The following SLC9A9 variants were observed in gnomAD, a reference collection of about 807,000 sequenced individuals.
SLC9A9 encodes sodium/hydrogen exchanger 9.
A neutral mutation model predicts 77.8 loss-of-function variants in SLC9A9; 62 were observed. The observed-to-expected ratio is 0.80, with a 90% CI of 0.65 to 0.98. The LOEUF is 0.98. SLC9A9 is among the 50% of genes least tolerant of loss of function. The probability of loss-of-function intolerance (pLI) is 0.00; values close to 1 mark genes in which losing one functional copy is unlikely to be tolerated. For missense variants in SLC9A9, 775 were observed against 774.9 expected, an observed-to-expected ratio of 1.00 and a Z score of 0.00; for synonymous variants, 320 against 283.5, an observed-to-expected ratio of 1.13 and a Z score of -1.29.
intron 5 of SLC9A9, among the ~76,000 whole-genome samples, chr3:143,674,592 T>C (rs1263239688): frequency 6.6e-6 from 1 of 152,014 alleles, no homozygotes; most frequent in Non-Finnish European, 1.5e-5. Flanking sequence ...TAGGAAAGCT[T>C]ATTTGGGCAA....
intron 5 of SLC9A9, among the ~76,000 whole-genome samples, chr3:143,671,469 G>A (rs1256482763): frequency 1.3e-5 from 2 of 152,084 alleles, no homozygotes; most frequent in African/African-American, 2.4e-5. Context: ...TTTCACCTAA[G>A]AAATGGGTCT....
chr3:143,489,977 C>A (rs2035712254), intron 11 of SLC9A9, among the ~76,000 whole-genome samples: 1 of 152,112 alleles, frequency 6.6e-6, no homozygotes, highest in East Asian at 1.9e-4. Context: ...GCTATTACTT[C>A]ATACCCATTG....
intron 9 of SLC9A9, among the ~76,000 whole-genome samples, chr3:143,539,191 A>T (rs986453131): frequency 2.0e-5 from 3 of 152,170 alleles, no homozygotes; most frequent in African/African-American, 7.2e-5. Flanking sequence ...TCCTTTTTCA[A>T]TGTAACCCAG....
chr3:143,588,357 C>T (rs527306311), intron 6 of SLC9A9, among the ~76,000 whole-genome samples: 5 of 152,258 alleles, frequency 3.3e-5, no homozygotes, highest in Admixed American at 2.0e-4. Flanking sequence ...TGTCTGAGCA[C>T]GCAGCCAGTA....
intron 6 of SLC9A9, 109 bp from the exon 7 acceptor site, chr3:143,578,832 T>C: frequency 8.2e-6 from 11 of 1,345,484 alleles, no homozygotes; most frequent in Non-Finnish European, 1.1e-5. Flanking sequence ...TGTTGGGTGC[T>C]GGTTGGAAGA....
At chr3:143,549,633 G>C (rs2036846725) in intron 9 of SLC9A9, among the ~76,000 whole-genome samples, 4 of 152,168 alleles carry the variant, frequency 2.6e-5, no homozygotes, top group Admixed American at 2.0e-4. Flanking sequence ...CTGGCAACCT[G>C]TCAGGGAGGG....
intron 6 of SLC9A9, among the ~76,000 whole-genome samples, chr3:143,636,249 A>C (rs997361743): frequency 3.3e-5 from 5 of 152,106 alleles, no homozygotes; most frequent in African/African-American, 1.2e-4. Context: ...ATTATGTTAG[A>C]TTTTTAAGAT....
intron 5 of SLC9A9, among the ~76,000 whole-genome samples, chr3:143,672,986 A>G (rs982891976): frequency 1.3e-5 from 2 of 152,204 alleles, no homozygotes; most frequent in African/African-American, 2.4e-5. Context: ...GCTTCAGATT[A>G]TCAACACCAT....
intron 4 of SLC9A9, among the ~76,000 whole-genome samples, chr3:143,729,654 C>T (rs1241493004): frequency 1.3e-5 from 2 of 152,166 alleles, no homozygotes; most frequent in Non-Finnish European, 2.9e-5. Flanking sequence ...CAGGAGCCCT[C>T]TCTGTCCTTC....
intron 12 of SLC9A9, among the ~76,000 whole-genome samples, chr3:143,406,941 A>C (rs1237606230): frequency 6.7e-6 from 1 of 148,180 alleles, no homozygotes; most frequent in African/African-American, 2.5e-5. Flanking sequence ...GTGCCACTGC[A>C]CTCCAGCCTG....
chr3:143,369,302 C>T (rs1479067912), intron 13 of SLC9A9, among the ~76,000 whole-genome samples: 1 of 152,034 alleles, frequency 6.6e-6, no homozygotes, highest in South Asian at 2.1e-4. Flanking sequence ...ATGGAACTTA[C>T]CTGCAGGTAG....
chr3:143,283,261 C>G (rs567279773), intron 14 of SLC9A9, among the ~76,000 whole-genome samples: 4 of 152,180 alleles, frequency 2.6e-5, no homozygotes, highest in Non-Finnish European at 5.9e-5. Flanking sequence ...GGAAATGGCA[C>G]AAGACGGTGG....
intron 4 of SLC9A9, among the ~76,000 whole-genome samples, chr3:143,727,130 T>C (rs1371081242): frequency 6.6e-6 from 1 of 152,182 alleles, no homozygotes; most frequent in East Asian, 1.9e-4. Context: ...AAACTTATAA[T>C]TAACACCATC....
intron 14 of SLC9A9, among the ~76,000 whole-genome samples, chr3:143,321,248 C>T (rs1288017262): frequency 2.0e-5 from 3 of 152,226 alleles, no homozygotes; most frequent in Admixed American, 2.0e-4. Flanking sequence ...GGAAGTCCTG[C>T]TCACCGTTGC....
intron 6 of SLC9A9, among the ~76,000 whole-genome samples, chr3:143,597,457 G>C (rs1337097329): frequency 6.6e-6 from 1 of 152,228 alleles, no homozygotes; most frequent in Non-Finnish European, 1.5e-5. Context: ...GAAGGCAAGG[G>C]AGAACTGGCC....
intron 11 of SLC9A9, among the ~76,000 whole-genome samples, chr3:143,491,558 C>T (rs2108589043): frequency 6.6e-6 from 1 of 152,178 alleles, no homozygotes; most frequent in Admixed American, 6.5e-5. Flanking sequence ...AAATTCTGGA[C>T]CTCCTCACAT....
chr3:143,392,703 C>A (rs936597874), intron 12 of SLC9A9, among the ~76,000 whole-genome samples: 5 of 152,124 alleles, frequency 3.3e-5, no homozygotes, highest in African/African-American at 1.2e-4. Flanking sequence ...ATTCAGGAGA[C>A]CCATCTCACG....
At chr3:143,771,787 T>G (rs1368146697) in intron 4 of SLC9A9, among the ~76,000 whole-genome samples, 2 of 152,190 alleles carry the variant, frequency 1.3e-5, no homozygotes, top group Non-Finnish European at 2.9e-5. Context: ...TTTCTCCTCT[T>G]GTCATTACCT....
Position 143,695,751 on chromosome 3 carries a change from C to T in SLC9A9, c.534-2444G>A, listed in dbSNP as rs185326396. 7.2e-5 allele frequency among the ~76,000 whole-genome samples: 11 copies of T among 152,244 alleles called. No homozygotes were observed. The East Asian group carries it at 7.7e-4, about 11-fold the overall frequency. On this transcript the variant is annotated intron_variant, in intron 4 of 15. Transcript: ENST00000316549. The stretch of plus-strand genomic sequence containing the variant: ...TTCTGGTTCTAGATCCTTGAGGAAT[C>T]GCCACCCTGTCTTCCACAGTGGTTG...
Sources: allele counts gnomAD v4.1 joint callset (sites outside exome capture counted in the v4.1 genomes callset), GRCh38; gene constraint gnomAD v4.1.1; transcripts MANE v1.5; gene names NCBI Gene and HGNC (gene_info 2026-07-23, HGNC 2026-07-21).